CEP126: variants seen among roughly 807,000 people sequenced by gnomAD.
The protein encoded by CEP126 is centrosomal protein of 126 kDa.
A neutral mutation model predicts 107.8 loss-of-function variants in CEP126; 74 were observed. The ratio of observed to expected loss-of-function variants is 0.69; its 90% CI spans 0.57 to 0.83. The LOEUF is 0.83. Ranked by LOEUF, CEP126 falls within the 40% of genes least tolerant of loss-of-function variation. The pLI is 0.00. For missense variants in CEP126, 1,237 were observed against 1,281.9 expected (o/e 0.96, Z 0.53); for synonymous variants, 449 against 446.0 (o/e 1.01, Z -0.08).
intron 4 of CEP126, chr11:101,956,565 C>T: frequency 2.2e-6 from 1 of 456,480 alleles, no homozygotes; most frequent in Non-Finnish European, 4.4e-6. Flanking sequence ...ACATCCTTTT[C>T]TTCAGCCTGT....
chr11:101,949,185 T>C (rs186486380), intron 4 of CEP126, among the ~76,000 whole-genome samples: 12 of 152,290 alleles, frequency 7.9e-5, no homozygotes, highest in Non-Finnish European at 1.2e-4. Context: ...GTGTACATCA[T>C]AGAATGCAAA....
intron 4 of CEP126, among the ~76,000 whole-genome samples, chr11:101,957,800 A>G (rs1013598858): frequency 6.6e-6 from 1 of 152,178 alleles, no homozygotes. Flanking sequence ...AAGAAGGGTA[A>G]TGCAGTATAT....
rs1940615730 is a variant in CEP126, at chr11:101,938,169, A to AAACAAAAAAAAAAAAAAAAAAC, written c.249-6094_249-6093insCAAAAAAAAAAAAAAAAAACAA. On this transcript the variant is annotated intron_variant, in intron 2 of 10. Coordinates refer to ENST00000263468, the MANE Select transcript of CEP126 (RefSeq NM_020802.4). ...AGCGAGACTCTGTCTCAAAAAAAAA[A>AAACAAAAAAAAAAAAAAAAAAC]AAAAAAATACAAGAAATTGGTCCAT... is the stretch of plus-strand genomic sequence containing the variant. 1.4e-5 allele frequency among the ~76,000 whole-genome samples: 2 copies of AAACAAAAAAAAAAAAAAAAAAC among 143,854 alleles called. 1 individual carries two copies. Among genetic ancestry groups the AAACAAAAAAAAAAAAAAAAAAC allele is most frequent in the African/African-American group, 5.2e-5 (2 of 38,748 alleles). The allele number at this position is 143,854 out of a possible 152,430, so 94.4% of individuals were successfully genotyped here.
chr11:101,986,744 A>T, intron 8 of CEP126, 88 bp from the exon 9 acceptor site: 1 of 870,960 alleles, frequency 1.1e-6, no homozygotes. Context: ...ACAGACAGTT[A>T]AGCATGTATA....
chr11:101,954,504 AAC>A (rs1940857556), intron 4 of CEP126, among the ~76,000 whole-genome samples: 1 of 152,216 alleles, frequency 6.6e-6, no homozygotes, highest in South Asian at 2.1e-4. Context: ...ATCATTAAAT[AAC>A]ACACATCATC....
chr11:101,999,029 A>T lies in CEP126; in HGVS notation c.*1386A>T, dbSNP rs1460860937. 2 of 152,184 alleles carry T rather than the reference A, an allele frequency of 1.3e-5. No homozygotes were observed. The highest frequency in any genetic ancestry group is 2.1e-4 in the South Asian group (1 of 4,830). The allele number at this position is 152,184 out of a possible 1,614,324, so 9.4% of individuals were successfully genotyped here. A position where few individuals can be genotyped will look rare whatever the true frequency, so the allele number is the denominator to read the frequency against. On this transcript the variant is annotated 3_prime_UTR_variant, in exon 11 of 11. Transcript: ENST00000263468. ...AATGAAGAAATTAGTGAAAAAATTGACCTAATGAAGGAAACATTTGTGCTT... is the reference window on the plus strand; with the variant it reads ...AATGAAGAAATTAGTGAAAAAATTGTCCTAATGAAGGAAACATTTGTGCTT...
At chr11:101,927,039 C>T (rs533796374) in intron 2 of CEP126, among the ~76,000 whole-genome samples, 138 of 152,332 alleles carry the variant, frequency 9.1e-4, no homozygotes, top group African/African-American at 3.0e-3. Flanking sequence ...CAGTGGCTCA[C>T]GCCTTTAATC....
At chr11:101,925,466 GA>G (rs1940392388) in intron 2 of CEP126, among the ~76,000 whole-genome samples, 1 of 151,620 alleles carries the variant, frequency 6.6e-6, no homozygotes, top group Non-Finnish European at 1.5e-5. Context: ...GTAAACTTTA[GA>G]AAAGTTTACC....
intron 2 of CEP126, among the ~76,000 whole-genome samples, chr11:101,942,089 T>A (rs1940673046): frequency 6.6e-6 from 1 of 152,130 alleles, no homozygotes; most frequent in Non-Finnish European, 1.5e-5. Context: ...TGTGGCCTTT[T>A]TACTGTGTTG....
rs10641795 is a variant in CEP126 at position 101,998,592 on chromosome 11, C to CAAAAAAAAAAAAAAAAAAA, written c.*967_*968insAAAAAAAAAAAAAAAAAAA. 3.5e-5 allele frequency: 2 copies of CAAAAAAAAAAAAAAAAAAA among 57,440 alleles called. No homozygotes were observed. The highest frequency in any genetic ancestry group is 8.6e-5 in the African/African-American group (1 of 11,670). 3.6% of individuals were successfully genotyped at this position (57,440 alleles called of 1,614,324 possible). A position where few individuals can be genotyped will look rare whatever the true frequency, so the allele number is the denominator to read the frequency against. On this transcript the variant is annotated 3_prime_UTR_variant, in exon 11 of 11. Coordinates refer to ENST00000263468, the MANE Select transcript of CEP126 (RefSeq NM_020802.4). ...TGGGTGACAGTGTGAGACCCAGCCTCAAAAAAAAAAAAAAAAAAGTGATGA... is the reference window on the plus strand; with the variant it reads ...TGGGTGACAGTGTGAGACCCAGCCTCAAAAAAAAAAAAAAAAAAAAAAAAAAAAAAAAAAAAAGTGATGA...
chr11:101,922,765 G>C lies in CEP126; in HGVS notation c.248+5G>C. ...GGAGTCAAATCGGAGAAAAAAGTAA[G>C]TAATTGCACTTTATTCAGAAGTATA... On this transcript the variant is annotated splice_donor_5th_base_variant and intron_variant, in intron 2 of 10. Coordinates refer to ENST00000263468, the MANE Select transcript of CEP126 (RefSeq NM_020802.4). The C allele has an allele frequency of 6.2e-7, 1 of 1,607,704 alleles. No homozygotes were observed. Among genetic ancestry groups the C allele is most frequent in the South Asian group, 1.1e-5 (1 of 90,776 alleles).
At chr11:101,947,001 G>A (rs771444164) in intron 3 of CEP126, among the ~76,000 whole-genome samples, 4 of 152,182 alleles carry the variant, frequency 2.6e-5, no homozygotes, top group Non-Finnish European at 5.9e-5. Flanking sequence ...AATATCAGCA[G>A]ACTATCCTGT....
At chr11:101,964,762 C>A (rs1941040263) in intron 6 of CEP126, among the ~76,000 whole-genome samples, 1 of 152,104 alleles carries the variant, frequency 6.6e-6, no homozygotes, top group African/African-American at 2.4e-5. Context: ...ATGACTTTTC[C>A]TGTTAGTTTA....
intron 1 of CEP126, among the ~76,000 whole-genome samples, chr11:101,916,873 A>G (rs1940223780): frequency 6.6e-6 from 1 of 152,184 alleles, no homozygotes; most frequent in Non-Finnish European, 1.5e-5. Flanking sequence ...AATGAACACA[A>G]CCAAATAGAC....
intron 4 of CEP126, among the ~76,000 whole-genome samples, chr11:101,953,259 A>C (rs1013128551): frequency 1.3e-5 from 2 of 152,202 alleles, no homozygotes; most frequent in East Asian, 3.9e-4. Context: ...CTCTTAGTCC[A>C]GATGTGGTTT....
intron 6 of CEP126, among the ~76,000 whole-genome samples, chr11:101,971,937 C>T (rs1333882981): frequency 1.3e-5 from 2 of 151,580 alleles, no homozygotes; most frequent in South Asian, 2.1e-4. Context: ...GGTGAAACCC[C>T]GTCTCTACTA....
rs1940764676 is a variant in CEP126 at position 101,948,161 on chromosome 11, T to C, written c.506+19T>C. ...ACTGGAGGTAAGTAATTTATGATCA[T>C]TGTATACAATTATTACAATAATTGT... On this transcript the variant is annotated intron_variant, in intron 4 of 10. Coordinates refer to ENST00000263468, the MANE Select transcript of CEP126 (RefSeq NM_020802.4). 1 of 1,405,296 alleles carries C rather than the reference T, an allele frequency of 7.1e-7. No homozygotes were observed. The highest frequency in any genetic ancestry group is 1.0e-6 in the Non-Finnish European group (1 of 997,818). 87.1% of individuals were successfully genotyped at this position (1,405,296 alleles called of 1,614,324 possible).
rs114469637 is a variant in CEP126, at chr11:101,979,451, C to T, written c.2958+992C>T. Among the ~76,000 whole-genome samples the T allele has an allele frequency of 8.6e-3, 1,299 of 151,806 alleles. 20 individuals carry two copies. The highest frequency in any genetic ancestry group is 0.03 in the African/African-American group (1,247 of 41,424). On this transcript the variant is annotated intron_variant, in intron 7 of 10. Transcript: ENST00000263468. ...TCAATAAAAGTAAAAAGCATAATAA[C>T]AATTTTAAAATAATGGCCAGGCGTG... is the stretch of plus-strand genomic sequence containing the variant.
At chr11:101,974,043 G>C (rs1219558274) in intron 6 of CEP126, among the ~76,000 whole-genome samples, 2 of 152,100 alleles carry the variant, frequency 1.3e-5, no homozygotes, top group Admixed American at 1.3e-4. Flanking sequence ...AATGTGGTCA[G>C]TTCCTTTATG....
Sources: allele counts gnomAD v4.1 joint callset (sites outside exome capture counted in the v4.1 genomes callset), GRCh38; gene constraint gnomAD v4.1.1; transcripts MANE v1.5; gene names NCBI Gene and HGNC (gene_info 2026-07-23, HGNC 2026-07-21).